Variants in ADCY9 observed in about 807,000 individuals in gnomAD.
ADCY9 encodes adenylate cyclase 9.
Under a neutral mutation model 101.5 loss-of-function variants are expected in ADCY9, and 50 were observed. That is an observed-to-expected ratio of 0.49 (90% confidence interval 0.39 to 0.62). The LOEUF is 0.62. ADCY9 is among the 20% of genes least tolerant of loss of function. ADCY9 has a pLI of 0.00. For missense variants in ADCY9, 1,662 were observed against 1,800.4 expected (o/e 0.92, Z 1.39); for synonymous variants, 905 against 769.3 (o/e 1.18, Z -2.92).
chr16:3,960,054 G>A (rs184629337), downstream of ADCY9, among the ~76,000 whole-genome samples: 10 of 151,786 alleles, frequency 6.6e-5, no homozygotes, highest in Admixed American at 2.6e-4. Flanking sequence ...AAATAAAAAC[G>A]CATGTAACAA....
intron 8 of ADCY9, among the ~76,000 whole-genome samples, chr16:3,977,875 C>T (rs113908333): frequency 0.016 from 2,393 of 152,222 alleles, 66 homozygotes; most frequent in African/African-American, 0.054. Context: ...CGGCACCACA[C>T]CTCGCTAATT....
At chr16:4,025,467 C>A (rs1459621425) in intron 2 of ADCY9, among the ~76,000 whole-genome samples, 2 of 152,020 alleles carry the variant, frequency 1.3e-5, no homozygotes, top group African/African-American at 4.8e-5. Flanking sequence ...CCACTGGCCA[C>A]GCAAAGACTG....
At chr16:4,109,762 T>C (rs937720756) in intron 2 of ADCY9, among the ~76,000 whole-genome samples, 7 of 152,096 alleles carry the variant, frequency 4.6e-5, no homozygotes, top group Non-Finnish European at 8.8e-5. Flanking sequence ...CCATCACCCC[T>C]ACCTGGGATT....
In ADCY9 at chr16:4,097,549, A is replaced by T. The variant is rs796906599; in HGVS notation, c.1693+16201T>A. 5.2e-3 allele frequency among the ~76,000 whole-genome samples: 252 copies of T among 48,182 alleles called. 7 individuals carry two copies. Among genetic ancestry groups the T allele is most frequent in the South Asian group, 0.029 (49 of 1,690 alleles). The allele number at this position is 48,182 out of a possible 152,430, so 31.6% of individuals were successfully genotyped here. On this transcript the variant is annotated intron_variant, in intron 2 of 10. Coordinates refer to ENST00000294016, the MANE Select transcript of ADCY9 (RefSeq NM_001116.4). ...TGTACATATATATATATATATATAT[A>T]TATATTTTTTTTTTTTTTTTTTAAG...
At chr16:4,084,955 G>C (rs1050862145) in intron 2 of ADCY9, among the ~76,000 whole-genome samples, 7 of 152,102 alleles carry the variant, frequency 4.6e-5, no homozygotes, top group African/African-American at 1.7e-4. Flanking sequence ...GCCAAATAAA[G>C]TACACATTTT....
Position 3,965,580 on chromosome 16 carries a change from G to T in ADCY9, c.*195C>A. On this transcript the variant is annotated 3_prime_UTR_variant, in exon 11 of 11. Coordinates refer to ENST00000294016, the MANE Select transcript of ADCY9 (RefSeq NM_001116.4). ...ACCCAGAGGCAGCGGGGTTTCCAGG[G>T]AAGGGAGCGAAAGGGAAGAATGGAT... 1 of 618,742 alleles carries T rather than the reference G, an allele frequency of 1.6e-6. No individual in the cohort carries two copies. The highest frequency in any genetic ancestry group is 2.8e-6 in the Non-Finnish European group (1 of 356,374). The allele number at this position is 618,742 out of a possible 1,614,324, so 38.3% of individuals were successfully genotyped here. A position where few individuals can be genotyped will look rare whatever the true frequency, so the allele number is the denominator to read the frequency against.
At chr16:4,009,899 G>T (rs889679285) in intron 2 of ADCY9, among the ~76,000 whole-genome samples, 3 of 152,172 alleles carry the variant, frequency 2.0e-5, no homozygotes, top group Non-Finnish European at 4.4e-5. Context: ...CTGCTCTAAG[G>T]GTCTCCTTCC....
chr16:4,072,672 T>C (rs1347958418), intron 2 of ADCY9, among the ~76,000 whole-genome samples: 1 of 152,092 alleles, frequency 6.6e-6, no homozygotes, highest in Admixed American at 6.5e-5. Context: ...TTTGAAGAGA[T>C]AATGGCCAAT....
At chr16:4,039,362 C>T (rs919840695) in intron 2 of ADCY9, among the ~76,000 whole-genome samples, 4 of 152,190 alleles carry the variant, frequency 2.6e-5, no homozygotes, top group Non-Finnish European at 5.9e-5. Flanking sequence ...AGTGTTCCAA[C>T]GACACTTTAA....
In ADCY9 at chr16:4,115,124, G is replaced by A. The variant is rs766841271; in HGVS notation, c.319C>T (p.Arg107Cys). The change falls in exon 2 of 11, where the codon CGC becomes TGC. Residue 107 changes from arginine to cysteine, a missense_variant. By Grantham distance (180) the Arg-to-Cys change is radical. Coordinates refer to ENST00000294016, the MANE Select transcript of ADCY9 (RefSeq NM_001116.4). This position sits in a 1 kb window ranked among gnomAD's most constrained non-coding sequence, Gnocchi z 6.2. ...SVNLEEACLERCFPQTQRRFR... is the reference protein window; with the variant it reads ...SVNLEEACLECCFPQTQRRFR... Reference sequence around the variant, plus strand: ...CGGCGCTGGGTCTGCGGGAAGCAGCGCTCCAGGCAGGCCTCCTCCAGGTTC... The same window carrying A: ...CGGCGCTGGGTCTGCGGGAAGCAGCACTCCAGGCAGGCCTCCTCCAGGTTC... The A allele has an allele frequency of 1.5e-5, 24 of 1,613,698 alleles. No individual in the cohort carries two copies. The highest frequency in any genetic ancestry group is 1.9e-5 in the Non-Finnish European group (23 of 1,180,048).
Position 4,068,233 on chromosome 16 carries a change from A to G in ADCY9, c.1693+45517T>C, listed in dbSNP as rs1003661299. 2.0e-5 allele frequency among the ~76,000 whole-genome samples: 3 copies of G among 152,234 alleles called. No individual in the cohort carries two copies. In the East Asian group the frequency reaches 5.8e-4, roughly 29 times the overall value. ...AAGTGCCTTTTTTGCCAACTAGGAT[A>G]ACTCATATAATGAATTTTTGCCAAC... On this transcript the variant is annotated intron_variant, in intron 2 of 10. Transcript: ENST00000294016.
chr16:4,014,218 T>C lies in ADCY9; in HGVS notation c.1694-6660A>G, dbSNP rs540465004. Among the ~76,000 whole-genome samples, 8 of 150,908 alleles carry C rather than the reference T, an allele frequency of 5.3e-5. No homozygotes were observed. In the South Asian group the frequency reaches 6.3e-4, roughly 12 times the overall value. The stretch of plus-strand genomic sequence containing the variant: ...CCTGTAATCCCAGCTACTCAGGAGG[T>C]TGAGGCAGGAGAATTGCTTGAACCC... On this transcript the variant is annotated intron_variant, in intron 2 of 10. Coordinates refer to ENST00000294016, the MANE Select transcript of ADCY9 (RefSeq NM_001116.4).
chr16:4,103,992 G>A (rs1040885532), intron 2 of ADCY9, among the ~76,000 whole-genome samples: 6 of 152,180 alleles, frequency 3.9e-5, no homozygotes, highest in Non-Finnish European at 8.8e-5. Flanking sequence ...CAGCGGTCCT[G>A]GAGAAAAGCA....
chr16:4,009,846 C>T (rs142426519), intron 2 of ADCY9, among the ~76,000 whole-genome samples: 4 of 152,310 alleles, frequency 2.6e-5, no homozygotes, highest in East Asian at 1.9e-4. Context: ...GGCTTATACC[C>T]GCCTTCATCA....
chr16:4,082,714 G>GCACA (rs146487154), intron 2 of ADCY9, among the ~76,000 whole-genome samples: 3 of 25,010 alleles, frequency 1.2e-4, no homozygotes, highest in East Asian at 0.029. Context: ...ACCCACGCAT[G>GCACA]CACGCACACA....
At chr16:4,044,478 C>T (rs1981644) in intron 2 of ADCY9, among the ~76,000 whole-genome samples, 16 of 152,038 alleles carry the variant, frequency 1.1e-4, no homozygotes, top group Admixed American at 4.6e-4. Flanking sequence ...CAAAGGAAAT[C>T]AAAAAAAGGC....
At chr16:3,967,791 G>C (rs978178727) in intron 10 of ADCY9, among the ~76,000 whole-genome samples, 7 of 149,824 alleles carry the variant, frequency 4.7e-5, no homozygotes, top group African/African-American at 1.7e-4. Context: ...TCTGCTTCCT[G>C]AGTTCAAGTG....
intron 2 of ADCY9, among the ~76,000 whole-genome samples, chr16:4,046,800 T>A (rs2056667816): frequency 6.6e-6 from 1 of 152,092 alleles, no homozygotes; most frequent in Admixed American, 6.6e-5. Context: ...GAGACCAGCC[T>A]GGGCAACATA....
intron 2 of ADCY9, 128 bp downstream of exon 2, chr16:4,113,622 T>TC (rs1255078981): frequency 4.1e-6 from 5 of 1,221,666 alleles, no homozygotes; most frequent in African/African-American, 3.1e-5. Flanking sequence ...GACCCTGAGA[T>TC]CCCCCCATGG....
Sources: allele counts gnomAD v4.1 joint callset (sites outside exome capture counted in the v4.1 genomes callset), GRCh38; gene constraint gnomAD v4.1.1; non-coding constraint Gnocchi (gnomAD v3.1); transcripts MANE v1.5; gene names NCBI Gene and HGNC (gene_info 2026-07-23, HGNC 2026-07-21).